Variants in TULP3 observed in about 807,000 individuals in gnomAD.
The protein encoded by TULP3 is tubby-related protein 3.
A neutral mutation model predicts 50.7 loss-of-function variants in TULP3; 38 were observed. The observed-to-expected ratio is 0.75, with a 90% CI of 0.58 to 0.98. The LOEUF (loss-of-function observed/expected upper bound fraction) is 0.98, where lower values mean the gene tolerates loss of function less well. Among genes scored for constraint, TULP3 ranks in the 50% least tolerant of loss-of-function variants. TULP3 has a pLI of 0.00. For synonymous variants in TULP3, 183 were observed against 196.6 expected, an observed-to-expected ratio of 0.93 and a Z score of 0.58; for missense variants, 550 against 568.0, an observed-to-expected ratio of 0.97 and a Z score of 0.32.
chr12:2,892,674 G>A (rs939224778), intron 1 of TULP3, among the ~76,000 whole-genome samples: 3 of 151,908 alleles, frequency 2.0e-5, no homozygotes, highest in Non-Finnish European at 4.4e-5. Context: ...ACCACGCCCA[G>A]CTAATTTTTG....
rs200713391 is a variant in TULP3, at chr12:2,937,716, A to G, written c.1010A>G (p.Tyr337Cys). Residue 337 changes from tyrosine to cysteine, a missense_variant, in exon 9 of 11, where the codon TAT (tyrosine) becomes TGT (cysteine). By Grantham distance (194) the Tyr-to-Cys change is radical (BLOSUM62 -2). Coordinates refer to ENST00000448120, the MANE Select transcript of TULP3 (RefSeq NM_003324.5). ...ACACTGAATCATAAGCAGATCCCCT[A>G]TCAGCCACAAAACGTGAGTAAGAAT... Reference protein sequence around the residue: ...GMTLNHKQIPYQPQNNHDSLL... With the variant: ...GMTLNHKQIPCQPQNNHDSLL... 145 of 1,612,704 alleles carry G rather than the reference A, an allele frequency of 9.0e-5. No homozygotes were observed. In the East Asian group the frequency reaches 9.8e-4, roughly 11 times the overall value.
intron 1 of TULP3, among the ~76,000 whole-genome samples, chr12:2,891,231 C>G (rs1172144639): frequency 6.6e-6 from 1 of 152,118 alleles, no homozygotes; most frequent in African/African-American, 2.4e-5. Context: ...GGTTCAGGTC[C>G]CTGCTTAGGA....
intron 1 of TULP3, among the ~76,000 whole-genome samples, chr12:2,907,796 A>G (rs1288491493): frequency 2.0e-5 from 3 of 152,158 alleles, no homozygotes; most frequent in Admixed American, 2.0e-4. Flanking sequence ...GACTGCAGAT[A>G]AAAAACATTA....
At chr12:2,921,316 A>C (rs902157957) in intron 3 of TULP3, among the ~76,000 whole-genome samples, 2 of 150,210 alleles carry the variant, frequency 1.3e-5, no homozygotes, top group Non-Finnish European at 1.5e-5. Context: ...ATTTTTTTAT[A>C]CTTTTAGTAG....
intron 1 of TULP3, among the ~76,000 whole-genome samples, chr12:2,899,495 C>T (rs1013860136): frequency 2.6e-5 from 4 of 152,202 alleles, no homozygotes; most frequent in Admixed American, 2.6e-4. Flanking sequence ...CATAGTTATT[C>T]ATACTGTGAA....
At chr12:2,899,031 TA>T (rs2098177251) in intron 1 of TULP3, among the ~76,000 whole-genome samples, 1 of 152,158 alleles carries the variant, frequency 6.6e-6, no homozygotes, top group African/African-American at 2.4e-5. Flanking sequence ...ATTCTTCAGA[TA>T]TTTTTAACCT....
chr12:2,893,368 G>T (rs570053326), intron 1 of TULP3, among the ~76,000 whole-genome samples: 2 of 135,240 alleles, frequency 1.5e-5, no homozygotes, highest in Non-Finnish European at 3.0e-5. Context: ...CGCTCTCGTC[G>T]CCCAGGCTGG....
At chr12:2,917,232 G>T (rs746938645) in intron 2 of TULP3, among the ~76,000 whole-genome samples, 1 of 152,104 alleles carries the variant, frequency 6.6e-6, no homozygotes, top group Non-Finnish European at 1.5e-5. Context: ...AAGGCTTATT[G>T]GTGAGCAAGG....
chr12:2,921,362 G>A (rs144362632), intron 3 of TULP3, among the ~76,000 whole-genome samples: 2,832 of 151,642 alleles, frequency 0.019, 99 homozygotes, highest in African/African-American at 0.064. Context: ...GGCTTGTCTC[G>A]AACTCCTGAC....
At chr12:2,917,120 T>C (rs1461235093) in intron 2 of TULP3, among the ~76,000 whole-genome samples, 1 of 152,192 alleles carries the variant, frequency 6.6e-6, no homozygotes, top group Non-Finnish European at 1.5e-5. Flanking sequence ...AAGTTATTAA[T>C]TTATAAAGGG....
chr12:2,908,791 G>GT (rs1012634166), intron 1 of TULP3, among the ~76,000 whole-genome samples: 1 of 151,960 alleles, frequency 6.6e-6, no homozygotes, highest in Non-Finnish European at 1.5e-5. Flanking sequence ...CATTTTTATT[G>GT]TTTTTTTCCT....
At chr12:2,932,579 C>CAAAAAAAAAA (rs11409686) in intron 6 of TULP3, among the ~76,000 whole-genome samples, 15 of 68,900 alleles carry the variant, frequency 2.2e-4, no homozygotes, top group Admixed American at 2.0e-3. Flanking sequence ...GACCCTATCT[C>CAAAAAAAAAA]AAAAAAAAAA....
chr12:2,931,333 T>A, intron 6 of TULP3, 93 bp downstream of exon 6: 1 of 1,214,080 alleles, frequency 8.2e-7, no homozygotes, highest in Non-Finnish European at 1.2e-6. Flanking sequence ...AACTCTGGTA[T>A]TAGACCAAGC....
chr12:2,914,144 G>A (rs1317835690), intron 2 of TULP3, among the ~76,000 whole-genome samples: 1 of 50,184 alleles, frequency 2.0e-5, no homozygotes, highest in Non-Finnish European at 3.8e-5. Context: ...TTTTTTTTGA[G>A]ACGGAGTTTT....
At chr12:2,918,505 T>C (rs534982927) in intron 2 of TULP3, among the ~76,000 whole-genome samples, 1 of 152,324 alleles carries the variant, frequency 6.6e-6, no homozygotes, top group Non-Finnish European at 1.5e-5. Flanking sequence ...CAGTTTCTTA[T>C]GATTTCAGTA....
At chr12:2,905,403 CTCGA>C (rs1454839138) in intron 1 of TULP3, among the ~76,000 whole-genome samples, 1 of 152,000 alleles carries the variant, frequency 6.6e-6, no homozygotes, top group Non-Finnish European at 1.5e-5. Flanking sequence ...CCAGGATGGT[CTCGA>C]TCTCTTGACC....
In TULP3 at chr12:2,940,329, A is replaced by G. The variant is rs1412098699; in HGVS notation, c.*885A>G. The G allele has an allele frequency of 2.1e-6, 3 of 1,461,520 alleles. No homozygotes were observed. In the African/African-American group the frequency reaches 4.3e-5, roughly 21 times the overall value. 90.5% of individuals were successfully genotyped at this position (1,461,520 alleles called of 1,614,324 possible). A position where few individuals can be genotyped will look rare whatever the true frequency, so the allele number is the denominator to read the frequency against. ...TGACCATTTAGTTTAGTTAAAAAAA[A>G]AAAAAAAAAGGTGGCAGGAGAGGCT... On this transcript the variant is annotated 3_prime_UTR_variant, in exon 11 of 11. Coordinates refer to ENST00000448120, the MANE Select transcript of TULP3 (RefSeq NM_003324.5).
Position 2,940,865 on chromosome 12 carries a change from TCA to T in TULP3, c.*1425_*1426del. ...TCCCTCACAGCCATGCCCAGAAGCC[TCA>T]CACCTCGTCACCACCACCACCCCCC... On this transcript the variant is annotated 3_prime_UTR_variant, in exon 11 of 11. Coordinates refer to ENST00000448120, the MANE Select transcript of TULP3 (RefSeq NM_003324.5). 1.4e-6 allele frequency: 1 copy of T among 730,086 alleles called. No homozygotes were observed. The highest frequency in any genetic ancestry group is 1.8e-5 in the African/African-American group (1 of 55,814). 45.2% of individuals were successfully genotyped at this position (730,086 alleles called of 1,614,324 possible). A position where few individuals can be genotyped will look rare whatever the true frequency, so the allele number is the denominator to read the frequency against.
At chr12:2,925,100 G>A (rs1382000658) in intron 4 of TULP3, among the ~76,000 whole-genome samples, 4 of 151,328 alleles carry the variant, frequency 2.6e-5, no homozygotes, top group Non-Finnish European at 4.4e-5. Flanking sequence ...CCCGGGAGGC[G>A]GAGCTTGCAG....
Sources: allele counts gnomAD v4.1 joint callset (sites outside exome capture counted in the v4.1 genomes callset), GRCh38; gene constraint gnomAD v4.1.1; transcripts MANE v1.5; gene names NCBI Gene and HGNC (gene_info 2026-07-23, HGNC 2026-07-21).